EVI2B: variants seen among roughly 807,000 people sequenced by gnomAD.
The protein encoded by EVI2B is protein EVI2B.
A neutral mutation model predicts 6.6 loss-of-function variants in EVI2B; 4 were observed. The ratio of observed to expected loss-of-function variants is 0.61; its 90% CI spans 0.30 to 1.39. The LOEUF (loss-of-function observed/expected upper bound fraction) is 1.39, where lower values mean the gene tolerates loss of function less well. Ranked by LOEUF, EVI2B falls within the 40% of genes most tolerant of loss-of-function variation. EVI2B has a pLI of 0.08. For synonymous variants in EVI2B, 181 were observed against 186.8 expected (o/e 0.97, Z 0.25); for missense variants, 484 against 516.6 (o/e 0.94, Z 0.61).
At position 31,304,486 on chromosome 17, in the gene EVI2B, G is replaced by T. The variant is rs1224374558; in HGVS notation, c.1124C>A (p.Pro375Gln). The T allele has an allele frequency of 2.5e-6, 4 of 1,614,060 alleles. No individual in the cohort carries two copies. The highest frequency in any genetic ancestry group is 1.3e-5 in the African/African-American group (1 of 74,940). The change falls in exon 2 of 2, where the codon CCA (proline) becomes CAA (glutamine). Residue 375 changes from proline (P) to glutamine (Q), a missense_variant. Pro to Gln is a moderately conservative substitution (Grantham distance 76, BLOSUM62 -1). Coordinates refer to ENST00000330927, the MANE Select transcript of EVI2B (RefSeq NM_006495.4). The stretch of plus-strand genomic sequence containing the variant: ...GTCTTGATTGAGACAGTCCAGAGAT[G>T]GAGGGAGACTAGTAGAATCATTTGG... ...PLPNDSTSLP[P>Q]SLDCLNQDCG...
At position 31,304,854 on chromosome 17, in the gene EVI2B, A is replaced by C; in HGVS notation, c.756T>G (p.Ile252Met). ...SPFADGETPD[I>M]CMDNIRENEI... ...CATTTTCTCTGATGTTATCCATACA[A>C]ATGTCAGGGGTTTCTCCATCAGCAA... The change falls in exon 2 of 2, where the codon ATT becomes ATG. Residue 252 changes from isoleucine (I) to methionine (M), a missense_variant. Transcript: ENST00000330927. 6.2e-7 allele frequency: 1 copy of C among 1,614,088 alleles called. No individual in the cohort carries two copies. Among genetic ancestry groups the C allele is most frequent in the Non-Finnish European group, 8.5e-7 (1 of 1,180,016 alleles).
At position 31,305,138 on chromosome 17, in the gene EVI2B, T is replaced by G. The variant is rs2068679169; in HGVS notation, c.472A>C (p.Arg158=). ...GGATTATGAACAGTTATTTGTTTTCTAGAAGGGATCTGGACAGATGATGAT... is the reference window on the plus strand; with the variant it reads ...GGATTATGAACAGTTATTTGTTTTCGAGAAGGGATCTGGACAGATGATGAT... ...QQSSSVQIPS[R]KQITVHNPST... is the part of the protein sequence containing the mutation. Residue 158 remains arginine (R), a synonymous_variant, in exon 2 of 2, where the codon AGA becomes CGA. Transcript: ENST00000330927. 6.2e-7 allele frequency: 1 copy of G among 1,614,074 alleles called. No homozygotes were observed. The highest frequency in any genetic ancestry group is 1.1e-5 in the South Asian group (1 of 91,082).
intron 1 of EVI2B, among the ~76,000 whole-genome samples, chr17:31,306,616 A>G (rs2068728055): frequency 6.6e-6 from 1 of 152,098 alleles, no homozygotes; most frequent in African/African-American, 2.4e-5. Context: ...GCCTTATGTT[A>G]ATATTGCATA....
chr17:31,309,285 TC>T (rs372992502), intron 1 of EVI2B, among the ~76,000 whole-genome samples: 13 of 152,356 alleles, frequency 8.5e-5, no homozygotes, highest in African/African-American at 2.9e-4. Flanking sequence ...GTATTGGGCT[TC>T]TTGATTCCTT....
chr17:31,310,261 G>T (rs997840172), intron 1 of EVI2B, among the ~76,000 whole-genome samples: 3 of 151,610 alleles, frequency 2.0e-5, no homozygotes, highest in East Asian at 3.9e-4. Context: ...TAACACAAAA[G>T]AGAAAAAACA....
rs1405206807 is a variant in EVI2B at position 31,305,351 on chromosome 17, T to C, written c.259A>G (p.Thr87Ala). 1 of 1,613,972 alleles carries C rather than the reference T, an allele frequency of 6.2e-7. No homozygotes were observed. The highest frequency in any genetic ancestry group is 1.3e-5 in the African/African-American group (1 of 74,884). The change falls in exon 2 of 2, where the codon ACC becomes GCC. Residue 87 changes from threonine to alanine, a missense_variant. Physicochemically the swap from Thr to Ala is moderately conservative, Grantham distance 58. Transcript: ENST00000330927. ...TGTGCTTCTGGTTTTTCAGAAGAGGTATAGACAGCTGGTGTTGGTTGTCCA... is the reference window on the plus strand; with the variant it reads ...TGTGCTTCTGGTTTTTCAGAAGAGGCATAGACAGCTGGTGTTGGTTGTCCA... The part of the protein sequence containing the change: ...TAGQPTPAVY[T>A]SSEKPEAHTS...
intron 1 of EVI2B, among the ~76,000 whole-genome samples, chr17:31,309,293 C>G (rs1165281341): frequency 6.6e-6 from 1 of 152,144 alleles, no homozygotes; most frequent in Non-Finnish European, 1.5e-5. Context: ...CTTCTTGATT[C>G]CTTTCCATTT....
Position 31,305,272 on chromosome 17 carries a change from G to C in EVI2B, c.338C>G (p.Ala113Gly). 1 of 1,614,160 alleles carries C rather than the reference G, an allele frequency of 6.2e-7. No homozygotes were observed. The highest frequency in any genetic ancestry group is 8.5e-7 in the Non-Finnish European group (1 of 1,180,024). The change falls in exon 2 of 2, where the codon GCC becomes GGC. Residue 113 changes from alanine to glycine, a missense_variant. Physicochemically the swap from Ala to Gly is moderately conservative, Grantham distance 60. Transcript: ENST00000330927. ...CACGGCTTGCTGGGAGGAGGTGTTG[G>C]CTATTGGTGTTGGTTGTTTGGTGTT... ...AYNTKQPTPI[A>G]NTSSQQAVFT...
chr17:31,304,075 T>C lies in EVI2B; in HGVS notation c.*188A>G. The C allele has an allele frequency of 1.9e-6, 1 of 525,576 alleles. No homozygotes were observed. The highest frequency in any genetic ancestry group is 3.3e-6 in the Non-Finnish European group (1 of 301,458). The allele number at this position is 525,576 out of a possible 1,614,324, so 32.6% of individuals were successfully genotyped here. A position where few individuals can be genotyped will look rare whatever the true frequency, so the allele number is the denominator to read the frequency against. On this transcript the variant is annotated 3_prime_UTR_variant, in exon 2 of 2. Coordinates refer to ENST00000330927, the MANE Select transcript of EVI2B (RefSeq NM_006495.4). Reference sequence around the variant, plus strand: ...AAAGATAGGTACTATAATTAGTAAATAGATTACTGTTAAATAACTTTTTTT... The same window carrying C: ...AAAGATAGGTACTATAATTAGTAAACAGATTACTGTTAAATAACTTTTTTT...
At chr17:31,310,935 A>G (rs2068856226) in intron 1 of EVI2B, among the ~76,000 whole-genome samples, 1 of 148,672 alleles carries the variant, frequency 6.7e-6, no homozygotes, top group African/African-American at 2.5e-5. Context: ...TGTATAAGAC[A>G]TGTTCTTTTT....
rs906194437 is a variant in EVI2B, at chr17:31,305,161, G to A, written c.449C>T (p.Ser150Leu). 6.2e-7 allele frequency: 1 copy of A among 1,614,096 alleles called. No homozygotes were observed. The highest frequency in any genetic ancestry group is 1.7e-5 in the Admixed American group (1 of 60,000). ...KSFVYTFTQQ[S>L]SSVQIPSRKQ... ...TCTAGAAGGGATCTGGACAGATGAT[G>A]ATTGTTGAGTAAAAGTATAGACAAA... Residue 150 changes from serine to leucine, a missense_variant, in exon 2 of 2, where the codon TCA becomes TTA. Transcript: ENST00000330927.
chr17:31,304,685 T>G lies in EVI2B; in HGVS notation c.925A>C (p.Ile309Leu). The change falls in exon 2 of 2, where the codon ATA becomes CTA. Residue 309 changes from isoleucine to leucine, a missense_variant. Coordinates refer to ENST00000330927, the MANE Select transcript of EVI2B (RefSeq NM_006495.4). Reference protein sequence around the residue: ...EDSNNPKTEKIKDQVNGTSED... With the variant: ...EDSNNPKTEKLKDQVNGTSED... Reference sequence around the variant, plus strand: ...GATGTACCATTTACTTGATCTTTTATTTTCTCTGTTTTGGGGTTGTTGGAG... The same window carrying G: ...GATGTACCATTTACTTGATCTTTTAGTTTCTCTGTTTTGGGGTTGTTGGAG... 6.2e-7 allele frequency: 1 copy of G among 1,614,176 alleles called. No individual in the cohort carries two copies. Among genetic ancestry groups the G allele is most frequent in the Non-Finnish European group, 8.5e-7 (1 of 1,180,028 alleles).
chr17:31,310,098 T>A (rs1440768005), intron 1 of EVI2B, among the ~76,000 whole-genome samples: 1 of 152,088 alleles, frequency 6.6e-6, no homozygotes, highest in Admixed American at 6.5e-5. Context: ...TTACTACCAG[T>A]GTGGAAGGTT....
chr17:31,310,383 T>C (rs2068837679), intron 1 of EVI2B, among the ~76,000 whole-genome samples: 1 of 150,602 alleles, frequency 6.6e-6, no homozygotes, highest in Non-Finnish European at 1.5e-5. Flanking sequence ...GTTATATAAT[T>C]AGCAAGAAGG....
At chr17:31,308,841 T>C (rs1190490897) in intron 1 of EVI2B, among the ~76,000 whole-genome samples, 1 of 152,216 alleles carries the variant, frequency 6.6e-6, no homozygotes, top group East Asian at 1.9e-4. Context: ...ATAATTCATG[T>C]ATGTATCTCA....
intron 1 of EVI2B, among the ~76,000 whole-genome samples, chr17:31,306,748 A>G (rs751333755): frequency 6.6e-6 from 1 of 151,080 alleles, no homozygotes; most frequent in Non-Finnish European, 1.5e-5. Context: ...TCATTCATCT[A>G]TTGGTAAATG....
At position 31,305,360 on chromosome 17, in the gene EVI2B, C is replaced by G. The variant is rs751120621; in HGVS notation, c.250G>C (p.Ala84Pro). 3.7e-6 allele frequency: 6 copies of G among 1,613,960 alleles called. No homozygotes were observed. In the South Asian group the frequency reaches 5.5e-5, roughly 15 times the overall value. ...GGTTTTTCAGAAGAGGTATAGACAG[C>G]TGGTGTTGGTTGTCCAGCAGTGACT... is the stretch of plus-strand genomic sequence containing the variant. ...AKVTAGQPTP[A>P]VYTSSEKPEA... The change falls in exon 2 of 2, where the codon GCT becomes CCT. Residue 84 changes from alanine (A) to proline (P), a missense_variant. Coordinates refer to ENST00000330927, the MANE Select transcript of EVI2B (RefSeq NM_006495.4).
rs188013187 is a variant in EVI2B, at chr17:31,310,289, C to T, written c.-22+3690G>A. Among the ~76,000 whole-genome samples the T allele has an allele frequency of 1.8e-3, 267 of 150,490 alleles. 2 individuals are homozygous for T. Among genetic ancestry groups the T allele is most frequent in the Middle Eastern group, 6.9e-3 (2 of 290 alleles). ...AAAAAACAAAAACTCTAGGAAGCAGCGAACAGAAAAGAGGAAGGTCAATTG... is the reference window on the plus strand; with the variant it reads ...AAAAAACAAAAACTCTAGGAAGCAGTGAACAGAAAAGAGGAAGGTCAATTG... On this transcript the variant is annotated intron_variant, in intron 1 of 1. Coordinates refer to ENST00000330927, the MANE Select transcript of EVI2B (RefSeq NM_006495.4).
intron 1 of EVI2B, among the ~76,000 whole-genome samples, chr17:31,312,706 G>A (rs1023361639): frequency 5.9e-5 from 9 of 152,026 alleles, no homozygotes; most frequent in Non-Finnish European, 1.3e-4. Flanking sequence ...CTGAAAAAGA[G>A]ATAAATATCT....
Sources: allele counts gnomAD v4.1 joint callset (sites outside exome capture counted in the v4.1 genomes callset), GRCh38; gene constraint gnomAD v4.1.1; transcripts MANE v1.5; gene names NCBI Gene and HGNC (gene_info 2026-07-23, HGNC 2026-07-21).